The following SLC38A4 variants were observed in gnomAD, a reference collection of about 807,000 sequenced individuals.
The protein encoded by SLC38A4 is sodium-coupled neutral amino acid transporter 4.
A neutral mutation model predicts 63.1 loss-of-function variants in SLC38A4; 20 were observed. The observed-to-expected ratio is 0.32, with a 90% CI of 0.22 to 0.46. The LOEUF (loss-of-function observed/expected upper bound fraction) is 0.46. Among genes scored for constraint, SLC38A4 ranks in the 20% least tolerant of loss-of-function variants. The pLI is 1.00. For missense variants in SLC38A4, 526 were observed against 663.6 expected (o/e 0.79, Z 2.28); for synonymous variants, 230 against 225.5 (o/e 1.02, Z -0.18).
At chr12:46,777,136 T>G in intron 12 of SLC38A4, 132 bp from the exon 13 acceptor site, 1 of 707,996 alleles carries the variant, frequency 1.4e-6, no homozygotes, top group Non-Finnish European at 2.3e-6. Context: ...CATAAACTTA[T>G]AGCTGATTTA....
At chr12:46,814,504 G>C (rs1939399252) in intron 1 of SLC38A4, among the ~76,000 whole-genome samples, 1 of 151,834 alleles carries the variant, frequency 6.6e-6, no homozygotes, top group Admixed American at 6.6e-5. Context: ...TTTTTTGTGA[G>C]ATTGATAAAA....
chr12:46,820,462 A>G (rs1939519324), intron 1 of SLC38A4, among the ~76,000 whole-genome samples: 1 of 151,984 alleles, frequency 6.6e-6, no homozygotes, highest in Non-Finnish European at 1.5e-5. Context: ...TTCACTTAGC[A>G]TATTGTTCTC....
rs866598060 is a variant in SLC38A4 at position 46,784,258 on chromosome 12, T to C, written c.493+284A>G. Among the ~76,000 whole-genome samples, 32 of 152,246 alleles carry C rather than the reference T, an allele frequency of 2.1e-4. No individual in the cohort carries two copies. The Middle Eastern group carries it at 0.017, about 81-fold the overall frequency. The stretch of plus-strand genomic sequence containing the variant: ...CAAATTCTTCAATTTTTAAGAGTAA[T>C]AATTCATGCTGTAATAACATTAAAA... On this transcript the variant is annotated intron_variant, in intron 7 of 16. Transcript: ENST00000266579.
At chr12:46,784,057 T>C (rs930158322) in intron 7 of SLC38A4, among the ~76,000 whole-genome samples, 1 of 152,086 alleles carries the variant, frequency 6.6e-6, no homozygotes, top group Non-Finnish European at 1.5e-5. Flanking sequence ...CTAGCCAGAC[T>C]TTTGCCTTAG....
chr12:46,792,214 C>T (rs537990689), intron 3 of SLC38A4, among the ~76,000 whole-genome samples: 1 of 152,164 alleles, frequency 6.6e-6, no homozygotes, highest in African/African-American at 2.4e-5. Flanking sequence ...GTAGGCCTAA[C>T]GTAAGACCAC....
chr12:46,780,408 T>C (rs983981373), intron 7 of SLC38A4, among the ~76,000 whole-genome samples: 12 of 152,012 alleles, frequency 7.9e-5, no homozygotes, highest in Non-Finnish European at 1.5e-4. Context: ...AGCTGAGAGA[T>C]GGCAGAATCA....
chr12:46,772,280 A>G (rs1565662570), intron 14 of SLC38A4, among the ~76,000 whole-genome samples: 1 of 152,106 alleles, frequency 6.6e-6, no homozygotes, highest in Non-Finnish European at 1.5e-5. Context: ...CTATGTTGAT[A>G]TCTATATACA....
At chr12:46,815,464 C>T (rs771679503) in intron 1 of SLC38A4, among the ~76,000 whole-genome samples, 1 of 151,312 alleles carries the variant, frequency 6.6e-6, no homozygotes, top group Non-Finnish European at 1.5e-5. Flanking sequence ...AGAGCAGTAA[C>T]TTAGTAAAGA....
rs964844052 is a variant in SLC38A4, at chr12:46,765,483, T to G, written c.*1218A>C. 8.2e-6 allele frequency: 3 copies of G among 366,352 alleles called. No homozygotes were observed. Among genetic ancestry groups the G allele is most frequent in the Non-Finnish European group, 1.6e-5 (3 of 190,452 alleles). 22.7% of individuals were successfully genotyped at this position (366,352 alleles called of 1,614,324 possible). On this transcript the variant is annotated 3_prime_UTR_variant, in exon 17 of 17. Coordinates refer to ENST00000266579, the MANE Select transcript of SLC38A4 (RefSeq NM_018018.5). ...TAAAAATTTGCAAAAAGAAACTTATTTTCTTGTAGATCATCCTATTATTGT... is the reference window on the plus strand; with the variant it reads ...TAAAAATTTGCAAAAAGAAACTTATGTTCTTGTAGATCATCCTATTATTGT...
upstream of SLC38A4, among the ~76,000 whole-genome samples, chr12:46,828,031 C>T (rs986743652): frequency 1.3e-5 from 2 of 152,126 alleles, no homozygotes; most frequent in African/African-American, 4.8e-5. Context: ...CCTGACCACA[C>T]CTCCCTCCCC....
intron 14 of SLC38A4, among the ~76,000 whole-genome samples, chr12:46,771,745 G>A (rs1938420700): frequency 6.6e-6 from 1 of 152,068 alleles, no homozygotes; most frequent in Non-Finnish European, 1.5e-5. Flanking sequence ...ATGTTAAAGT[G>A]CCTCCCTGAG....
Position 46,797,892 on chromosome 12 carries a change from T to G in SLC38A4, c.-112-4709A>C, listed in dbSNP as rs1939049764. Among the ~76,000 whole-genome samples, 4 of 152,282 alleles carry G rather than the reference T, an allele frequency of 2.6e-5. No homozygotes were observed. The South Asian group carries it at 8.3e-4, about 32-fold the overall frequency. On this transcript the variant is annotated intron_variant, in intron 2 of 16. Coordinates refer to ENST00000266579, the MANE Select transcript of SLC38A4 (RefSeq NM_018018.5). Reference sequence around the variant, plus strand: ...TTCCAAAGAATGTTGTCACCATTTATCCAATTATTCAAGTCAAAAGCATAA... The same window carrying G: ...TTCCAAAGAATGTTGTCACCATTTAGCCAATTATTCAAGTCAAAAGCATAA...
chr12:46,801,367 A>G (rs1474677347), intron 2 of SLC38A4, among the ~76,000 whole-genome samples: 1 of 152,142 alleles, frequency 6.6e-6, no homozygotes, highest in Non-Finnish European at 1.5e-5. Flanking sequence ...TCAACTTTAA[A>G]GAAAGACATC....
chr12:46,789,837 G>C (rs1227024942), intron 3 of SLC38A4, among the ~76,000 whole-genome samples: 1 of 152,156 alleles, frequency 6.6e-6, no homozygotes, highest in African/African-American at 2.4e-5. Flanking sequence ...AGCACTTTGG[G>C]AGGCTGAGGT....
rs1186225145 is a variant in SLC38A4 at position 46,784,470 on chromosome 12, C to A, written c.493+72G>T. ...CTGTATCTAAAGTGCCTGTTTATTG[C>A]CATAAGTTTTCTTATTTATTGAACA... On this transcript the variant is annotated intron_variant, in intron 7 of 16. Transcript: ENST00000266579. 9 of 1,198,534 alleles carry A rather than the reference C, an allele frequency of 7.5e-6. No homozygotes were observed. The East Asian group carries it at 2.0e-4, about 26-fold the overall frequency. 74.2% of individuals were successfully genotyped at this position (1,198,534 alleles called of 1,614,324 possible).
At chr12:46,802,173 A>G (rs182069754) in intron 2 of SLC38A4, among the ~76,000 whole-genome samples, 22 of 152,214 alleles carry the variant, frequency 1.4e-4, no homozygotes, top group African/African-American at 4.8e-4. Flanking sequence ...TGCTCTTAGA[A>G]GAAAACATAG....
chr12:46,802,785 C>G (rs1386729521), intron 2 of SLC38A4, among the ~76,000 whole-genome samples: 2 of 152,010 alleles, frequency 1.3e-5, no homozygotes, highest in Non-Finnish European at 2.9e-5. Flanking sequence ...ACAAAACACT[C>G]TTAGTTTTAC....
intron 1 of SLC38A4, among the ~76,000 whole-genome samples, chr12:46,807,893 C>A (rs913858101): frequency 3.4e-5 from 5 of 146,176 alleles, no homozygotes; most frequent in Non-Finnish European, 6.0e-5. Flanking sequence ...AATGTTACCC[C>A]CCCCCCCAAA....
At chr12:46,795,934 G>C (rs535803926) in intron 2 of SLC38A4, among the ~76,000 whole-genome samples, 20 of 152,006 alleles carry the variant, frequency 1.3e-4, no homozygotes, top group Non-Finnish European at 2.6e-4. Flanking sequence ...CAAAAGGCTT[G>C]TCTTTCTTCT....
Sources: gnomAD v4.1 joint callset for allele counts (sites outside exome capture counted in the v4.1 genomes callset) on GRCh38, gnomAD v4.1.1 for gene constraint, MANE v1.5 for transcripts, NCBI Gene and HGNC (gene_info 2026-07-23, HGNC 2026-07-21) for gene names.